LONP2: variants seen among roughly 807,000 people sequenced by gnomAD.
LONP2 encodes the protein lon peptidase 2, peroxisomal.
LONP2 carries 60 observed loss-of-function variants against 85.6 expected under a neutral mutation model. The ratio of observed to expected loss-of-function variants is 0.70; its 90% CI spans 0.57 to 0.87. The LOEUF is 0.87. LONP2 is among the 40% of genes least tolerant of loss of function. LONP2 has a pLI of 0.00. For synonymous variants in LONP2, 395 were observed against 389.7 expected, an observed-to-expected ratio of 1.01 and a Z score of -0.16; for missense variants, 860 against 1,063.5, an observed-to-expected ratio of 0.81 and a Z score of 2.66.
chr16:48,268,889 C>T (rs2150975530), intron 6 of LONP2, among the ~76,000 whole-genome samples: 1 of 152,134 alleles, frequency 6.6e-6, no homozygotes, highest in East Asian at 1.9e-4. Context: ...ATATCCTTAG[C>T]AAATTCTAAA....
In LONP2 at chr16:48,261,410, GCTTT is replaced by G. The variant is rs1489404562; in HGVS notation, c.724-11_724-8del. ...TTTTGACATACGGTTTTACTTTTCT[GCTTT>G]CTATGTTAGGTTATAGCAATACGCC... is the stretch of plus-strand genomic sequence containing the variant. On this transcript the variant is annotated splice_polypyrimidine_tract_variant and intron_variant, in intron 4 of 14. Transcript: ENST00000285737. 25 of 1,545,448 alleles carry G rather than the reference GCTTT, an allele frequency of 1.6e-5. No individual in the cohort carries two copies. The highest frequency in any genetic ancestry group is 2.2e-5 in the Non-Finnish European group (25 of 1,144,670).
chr16:48,297,217 C>T (rs147934530), intron 9 of LONP2, among the ~76,000 whole-genome samples: 70 of 152,238 alleles, frequency 4.6e-4, no homozygotes, highest in African/African-American at 1.7e-3. Flanking sequence ...AGTCTGGCCT[C>T]GAACTCCTGG....
intron 8 of LONP2, 90 bp downstream of exon 8, chr16:48,277,569 G>A (rs1972238440): frequency 8.0e-7 from 1 of 1,252,888 alleles, no homozygotes; most frequent in Non-Finnish European, 1.1e-6. Flanking sequence ...ACACAGTGGT[G>A]TAGCTTTAGT....
intron 11 of LONP2, among the ~76,000 whole-genome samples, chr16:48,321,911 C>T (rs1395402131): frequency 6.6e-6 from 1 of 151,682 alleles, no homozygotes; most frequent in African/African-American, 2.4e-5. Flanking sequence ...CTTATTAACA[C>T]TGTACACTTA....
chr16:48,252,975 T>C (rs1055923209), intron 2 of LONP2, among the ~76,000 whole-genome samples: 1 of 152,212 alleles, frequency 6.6e-6, no homozygotes, highest in Non-Finnish European at 1.5e-5. Flanking sequence ...TTATAAAGTA[T>C]AGTCTTCTAC....
intron 6 of LONP2, among the ~76,000 whole-genome samples, chr16:48,267,895 T>C (rs1972024921): frequency 6.6e-6 from 1 of 152,120 alleles, no homozygotes; most frequent in Admixed American, 6.5e-5. Context: ...GGATTACAGG[T>C]GTGAGCCACC....
At chr16:48,293,916 G>T (rs952629006) in intron 8 of LONP2, among the ~76,000 whole-genome samples, 1 of 152,036 alleles carries the variant, frequency 6.6e-6, no homozygotes, top group African/African-American at 2.4e-5. Context: ...AACATTTTCC[G>T]TACCTAAACA....
intron 9 of LONP2, among the ~76,000 whole-genome samples, chr16:48,296,931 G>C (rs2150996631): frequency 6.6e-6 from 1 of 151,844 alleles, no homozygotes; most frequent in East Asian, 1.9e-4. Flanking sequence ...TATTTTAATT[G>C]CTCAGAATTG....
chr16:48,252,952 A>G (rs1158122677), intron 2 of LONP2, among the ~76,000 whole-genome samples: 2 of 152,220 alleles, frequency 1.3e-5, no homozygotes, highest in Admixed American at 6.5e-5. Context: ...TCAAACCTTA[A>G]TGAAACATAA....
At chr16:48,303,370 G>A (rs1190117565) in intron 11 of LONP2, 65 bp downstream of exon 11, 1 of 1,587,444 alleles carries the variant, frequency 6.3e-7, no homozygotes, top group African/African-American at 1.3e-5. Context: ...AAGAAGGTTG[G>A]GTATGGAGGG....
chr16:48,290,433 G>A (rs946005186), intron 8 of LONP2, among the ~76,000 whole-genome samples: 2 of 152,084 alleles, frequency 1.3e-5, no homozygotes, highest in South Asian at 4.1e-4. Flanking sequence ...AGATCCTACG[G>A]GTTGAGCACT....
At chr16:48,335,982 A>G (rs1959635154) in intron 12 of LONP2, among the ~76,000 whole-genome samples, 1 of 152,226 alleles carries the variant, frequency 6.6e-6, no homozygotes, top group South Asian at 2.1e-4. Flanking sequence ...TCGTTCTGGG[A>G]GGATCCAGTG....
chr16:48,335,992 G>GAC (rs1168704752), intron 12 of LONP2, among the ~76,000 whole-genome samples: 2 of 152,216 alleles, frequency 1.3e-5, no homozygotes, highest in Non-Finnish European at 2.9e-5. Context: ...AGGATCCAGT[G>GAC]ACATTGTGAG....
intron 1 of LONP2, among the ~76,000 whole-genome samples, chr16:48,249,225 A>G (rs1971557990): frequency 6.6e-6 from 1 of 152,234 alleles, no homozygotes; most frequent in Non-Finnish European, 1.5e-5. Flanking sequence ...GAACAATATC[A>G]TAATTAGGAT....
intron 2 of LONP2, among the ~76,000 whole-genome samples, chr16:48,253,326 C>T (rs950538017): frequency 6.6e-5 from 10 of 151,856 alleles, no homozygotes; most frequent in South Asian, 2.1e-4. Context: ...AAAAATTAGC[C>T]GAGTGTGATG....
intron 9 of LONP2, among the ~76,000 whole-genome samples, chr16:48,298,622 TTGAGGTGTG>T (rs1392931711): frequency 5.6e-4 from 72 of 128,208 alleles, no homozygotes; most frequent in African/African-American, 2.1e-3. Flanking sequence ...GCTTATTTAA[TTGAGGTGTG>T]TGTGTGTGTG....
At chr16:48,288,916 T>C (rs2150990150) in intron 8 of LONP2, among the ~76,000 whole-genome samples, 1 of 152,322 alleles carries the variant, frequency 6.6e-6, no homozygotes, top group East Asian at 1.9e-4. Flanking sequence ...TGTGCCCATA[T>C]CATGTACTTT....
At chr16:48,281,220 C>G (rs1256088213) in intron 8 of LONP2, among the ~76,000 whole-genome samples, 1 of 152,098 alleles carries the variant, frequency 6.6e-6, no homozygotes, top group African/African-American at 2.4e-5. Context: ...AAAGAATAAA[C>G]TTTTTCTGCT....
At chr16:48,252,395 C>T (rs763877051) in intron 2 of LONP2, 30 bp downstream of exon 2, 1 of 1,441,588 alleles carries the variant, frequency 6.9e-7, no homozygotes, top group Admixed American at 2.4e-5. Flanking sequence ...TCTTAAAACC[C>T]ATTTTTCTTT....
Sources: gnomAD v4.1 joint callset for allele counts (sites outside exome capture counted in the v4.1 genomes callset) on GRCh38, gnomAD v4.1.1 for gene constraint, MANE v1.5 for transcripts, NCBI Gene and HGNC (gene_info 2026-07-23, HGNC 2026-07-21) for gene names.